The following ZNF865 variants were observed in gnomAD, a reference collection of about 807,000 sequenced individuals.
The protein encoded by ZNF865 is zinc finger protein 865.
For missense variants in ZNF865, 1,311 were observed against 1,593.4 expected, an observed-to-expected ratio of 0.82 and a Z score of 3.02; for synonymous variants, 763 against 750.8, an observed-to-expected ratio of 1.02 and a Z score of -0.27.
rs902897385 is a variant in ZNF865, at chr19:55,616,809, C to T, written c.*11C>T. On this transcript the variant is annotated 3_prime_UTR_variant, in exon 2 of 2. Coordinates refer to ENST00000568956, the MANE Select transcript of ZNF865 (RefSeq NM_001195605.2). ...GGGAAGGATGCCTGACCGAGGGGTT[C>T]CCATCCCACTCCCATCAAAAGCCCC... 2.8e-6 allele frequency: 4 copies of T among 1,438,772 alleles called. No individual in the cohort carries two copies. The Admixed American group carries it at 1.1e-4, about 41-fold the overall frequency. The allele number at this position is 1,438,772 out of a possible 1,614,324, so 89.1% of individuals were successfully genotyped here.
Position 55,615,167 on chromosome 19 carries a change from G to A in ZNF865, c.1549G>A (p.Ala517Thr). The A allele has an allele frequency of 3.7e-6, 5 of 1,359,010 alleles. No homozygotes were observed. The highest frequency in any genetic ancestry group is 4.7e-6 in the Non-Finnish European group (5 of 1,064,992). The allele number at this position is 1,359,010 out of a possible 1,614,324, so 84.2% of individuals were successfully genotyped here. ...GGCCGCGGCGGCGGTGGTGTACGGCGCTGTGCCCGTCCCGCTCCTGGGCGC... is the reference window on the plus strand; with the variant it reads ...GGCCGCGGCGGCGGTGGTGTACGGCACTGTGCCCGTCCCGCTCCTGGGCGC... ...AAAAAAVVYGAVPVPLLGAHP... is the reference protein window; with the variant it reads ...AAAAAAVVYGTVPVPLLGAHP... Residue 517 changes from alanine (A) to threonine (T), a missense_variant, in exon 2 of 2, where the codon GCT becomes ACT. By Grantham distance (58) the Ala-to-Thr change is moderately conservative (BLOSUM62 0). Coordinates refer to ENST00000568956, the MANE Select transcript of ZNF865 (RefSeq NM_001195605.2).
Position 55,614,621 on chromosome 19 carries a change from G to T in ZNF865, c.1003G>T (p.Gly335Cys), listed in dbSNP as rs1197973519. The T allele has an allele frequency of 2.2e-5, 34 of 1,528,954 alleles. No homozygotes were observed. Among genetic ancestry groups the T allele is most frequent in the Non-Finnish European group, 3.0e-5 (34 of 1,143,890 alleles). 94.7% of individuals were successfully genotyped at this position (1,528,954 alleles called of 1,614,324 possible). Residue 335 changes from glycine (G) to cysteine (C), a missense_variant, in exon 2 of 2, where the codon GGT becomes TGT. Transcript: ENST00000568956. The surrounding 1 kb of genome is among the most constrained non-coding windows in gnomAD (Gnocchi z 8.0). ...CGCAGACGGGAGCGCCGCCCCTGCT[G>T]GTGTTGGGGTGCCCCCTCCTGCCAC... is the stretch of plus-strand genomic sequence containing the variant. ...PSADGSAAPA[G>C]VGVPPPATGG...
intron 1 of ZNF865, among the ~76,000 whole-genome samples, chr19:55,607,762 G>C (rs1449465058): frequency 6.6e-6 from 1 of 152,150 alleles, no homozygotes; most frequent in Non-Finnish European, 1.5e-5. Context: ...GGCCCACTTG[G>C]GGGCTGCTCT....
intron 1 of ZNF865, among the ~76,000 whole-genome samples, chr19:55,607,314 T>C (rs1454289395): frequency 1.3e-5 from 2 of 151,602 alleles, no homozygotes; most frequent in Non-Finnish European, 2.9e-5. Flanking sequence ...AAAGACAAAA[T>C]ACAGGCCAGG....
chr19:55,610,326 T>C (rs1416031834), intron 1 of ZNF865, among the ~76,000 whole-genome samples: 3 of 152,186 alleles, frequency 2.0e-5, no homozygotes, highest in Non-Finnish European at 4.4e-5. Flanking sequence ...AGTGGCACGA[T>C]CTCAGCTCAC....
Position 55,616,170 on chromosome 19 carries a change from C to T in ZNF865, c.2552C>T (p.Pro851Leu), listed in dbSNP as rs1315736329. Residue 851 changes from proline (P) to leucine (L), a missense_variant, in exon 2 of 2, where the codon CCG (proline) becomes CTG (leucine). By Grantham distance (98) the Pro-to-Leu change is moderately conservative. Coordinates refer to ENST00000568956, the MANE Select transcript of ZNF865 (RefSeq NM_001195605.2). Reference sequence around the variant, plus strand: ...CGGCAGAAGCGGGGTTTCCGCTGCCCGGTGTGCGGGAAGCGCTTCTGGGAG... The same window carrying T: ...CGGCAGAAGCGGGGTTTCCGCTGCCTGGTGTGCGGGAAGCGCTTCTGGGAG... ...SHRQKRGFRC[P>L]VCGKRFWEAA... 1 of 1,514,040 alleles carries T rather than the reference C, an allele frequency of 6.6e-7. No homozygotes were observed. The allele number at this position is 1,514,040 out of a possible 1,614,324, so 93.8% of individuals were successfully genotyped here. A position where few individuals can be genotyped will look rare whatever the true frequency, so the allele number is the denominator to read the frequency against.
chr19:55,606,321 C>T (rs2123579658), intron 1 of ZNF865, among the ~76,000 whole-genome samples: 1 of 152,162 alleles, frequency 6.6e-6, no homozygotes, highest in South Asian at 2.1e-4. Context: ...GCAGGTCCTC[C>T]AGTGATTCCC....
chr19:55,614,021 C>A lies in ZNF865; in HGVS notation c.403C>A (p.Pro135Thr). 6.7e-7 allele frequency: 1 copy of A among 1,502,250 alleles called. No individual in the cohort carries two copies. Among genetic ancestry groups the A allele is most frequent in the South Asian group, 1.3e-5 (1 of 78,494 alleles). 93.1% of individuals were successfully genotyped at this position (1,502,250 alleles called of 1,614,324 possible). A position where few individuals can be genotyped will look rare whatever the true frequency, so the allele number is the denominator to read the frequency against. Residue 135 changes from proline to threonine, a missense_variant, in exon 2 of 2, where the codon CCT (proline) becomes ACT (threonine). Physicochemically the swap from Pro to Thr is conservative, Grantham distance 38. Transcript: ENST00000568956. The surrounding 1 kb of genome is among the most constrained non-coding windows in gnomAD (Gnocchi z 8.0). ...GCCGCCCGCCTTCGGGGCGCCCCCT[C>A]CTCCCCTCTTTGACGCTGCTTTCCC... ...PLPPAFGAPP[P>T]PLFDAAFPTP...
At chr19:55,605,923 C>T (rs968940143) in intron 1 of ZNF865, among the ~76,000 whole-genome samples, 191 bp downstream of exon 1, 3 of 152,102 alleles carry the variant, frequency 2.0e-5, no homozygotes, top group Non-Finnish European at 4.4e-5. Flanking sequence ...CCCATGAACG[C>T]CCCCAGCTAG....
At chr19:55,608,435 C>A (rs1250076371) in intron 1 of ZNF865, among the ~76,000 whole-genome samples, 1 of 151,952 alleles carries the variant, frequency 6.6e-6, no homozygotes, top group African/African-American at 2.4e-5. Flanking sequence ...CTGCCTCAGC[C>A]TCCCGAGTAG....
At position 55,614,023 on chromosome 19, in the gene ZNF865, T is replaced by G; in HGVS notation, c.405T>G (p.Pro135=). Residue 135 remains proline (P), a synonymous_variant, in exon 2 of 2, where the codon CCT becomes CCG. Transcript: ENST00000568956. This position sits in a 1 kb window ranked among gnomAD's most constrained non-coding sequence, Gnocchi z 8.0. ...CGCCCGCCTTCGGGGCGCCCCCTCCTCCCCTCTTTGACGCTGCTTTCCCCA... is the reference window on the plus strand; with the variant it reads ...CGCCCGCCTTCGGGGCGCCCCCTCCGCCCCTCTTTGACGCTGCTTTCCCCA... ...PLPPAFGAPP[P]PLFDAAFPTP... is the part of the protein sequence containing the mutation. The G allele has an allele frequency of 6.7e-7, 1 of 1,497,342 alleles. No individual in the cohort carries two copies. The allele number at this position is 1,497,342 out of a possible 1,614,324, so 92.8% of individuals were successfully genotyped here. A position where few individuals can be genotyped will look rare whatever the true frequency, so the allele number is the denominator to read the frequency against.
At position 55,614,298 on chromosome 19, in the gene ZNF865, G is replaced by C; in HGVS notation, c.680G>C (p.Gly227Ala). ...CTGATGGAGCGGCGCTTCCCCTGCG[G>C]CGTGTGCCAGAAGTCCTTCAAGCAG... ...KYLMERRFPC[G>A]VCQKSFKQSS... Residue 227 changes from glycine to alanine, a missense_variant, in exon 2 of 2, where the codon GGC becomes GCC. Coordinates refer to ENST00000568956, the MANE Select transcript of ZNF865 (RefSeq NM_001195605.2). This position sits in a 1 kb window ranked among gnomAD's most constrained non-coding sequence, Gnocchi z 8.0. 1 of 1,510,434 alleles carries C rather than the reference G, an allele frequency of 6.6e-7. No individual in the cohort carries two copies. The highest frequency in any genetic ancestry group is 8.8e-7 in the Non-Finnish European group (1 of 1,134,692). 93.6% of individuals were successfully genotyped at this position (1,510,434 alleles called of 1,614,324 possible).
Position 55,611,725 on chromosome 19 carries a change from C to T in ZNF865, c.-26-1868C>T, listed in dbSNP as rs774940868. Reference sequence around the variant, plus strand: ...GTAGGAACCCCCTTGACCCCCATAGCGGGCTGGGCTTAGAGCCTGGCCCCC... The same window carrying T: ...GTAGGAACCCCCTTGACCCCCATAGTGGGCTGGGCTTAGAGCCTGGCCCCC... On this transcript the variant is annotated intron_variant, in intron 1 of 1. Transcript: ENST00000568956. This position sits in a 1 kb window ranked among gnomAD's most constrained non-coding sequence, Gnocchi z 4.5. Among the ~76,000 whole-genome samples the T allele has an allele frequency of 3.9e-5, 6 of 152,262 alleles. No homozygotes were observed. Among genetic ancestry groups the T allele is most frequent in the South Asian group, 2.1e-4 (1 of 4,826 alleles).
intron 1 of ZNF865, among the ~76,000 whole-genome samples, chr19:55,609,405 G>T (rs1018979922): frequency 6.6e-6 from 1 of 152,136 alleles, no homozygotes; most frequent in Non-Finnish European, 1.5e-5. Flanking sequence ...ATCTTCTAGG[G>T]TTACTGGGAG....
At chr19:55,610,489 A>C (rs1360964405) in intron 1 of ZNF865, among the ~76,000 whole-genome samples, 1 of 152,136 alleles carries the variant, frequency 6.6e-6, no homozygotes, top group East Asian at 1.9e-4. Context: ...TCGAACTCCT[A>C]ACCTCAGGTG....
In ZNF865 at chr19:55,617,257, T is replaced by G; in HGVS notation, c.*459T>G. On this transcript the variant is annotated 3_prime_UTR_variant, in exon 2 of 2. Transcript: ENST00000568956. ...GTACAGAGCGGAGAATAATAAATCT[T>G]ACCATGAGGGCCGCTGGAGTCCATC... 4 of 155,172 alleles carry G rather than the reference T, an allele frequency of 2.6e-5. No individual in the cohort carries two copies. The highest frequency in any genetic ancestry group is 4.8e-5 in the African/African-American group (2 of 41,638). The allele number at this position is 155,172 out of a possible 1,614,324, so 9.6% of individuals were successfully genotyped here.
intron 1 of ZNF865, chr19:55,613,235 CAAAT>C (rs1981201301): frequency 4.7e-6 from 1 of 214,472 alleles, no homozygotes; most frequent in Non-Finnish European, 9.1e-6. Flanking sequence ...CCCGTTTCTA[CAAAT>C]AATAGAGGGC....
At chr19:55,612,284 G>A (rs1172119888) in intron 1 of ZNF865, among the ~76,000 whole-genome samples, 1 of 152,120 alleles carries the variant, frequency 6.6e-6, no homozygotes, top group Non-Finnish European at 1.5e-5. Flanking sequence ...CCAAGCCCAG[G>A]GTCTGTGTTT....
At chr19:55,606,729 C>T (rs1289752070) in intron 1 of ZNF865, among the ~76,000 whole-genome samples, 1 of 152,240 alleles carries the variant, frequency 6.6e-6, no homozygotes, top group Non-Finnish European at 1.5e-5. Flanking sequence ...GCGTTGAACG[C>T]ATATTCACTA....
Sources: allele counts gnomAD v4.1 joint callset (sites outside exome capture counted in the v4.1 genomes callset), GRCh38; gene constraint gnomAD v4.1.1; non-coding constraint Gnocchi (gnomAD v3.1); transcripts MANE v1.5; gene names NCBI Gene and HGNC (gene_info 2026-07-23, HGNC 2026-07-21).